The following PSMA7 variants were observed in gnomAD, a reference collection of about 807,000 sequenced individuals.
PSMA7 encodes proteasome 20S subunit alpha 7.
A neutral mutation model predicts 31.3 loss-of-function variants in PSMA7; 5 were observed. The observed-to-expected ratio is 0.16, with a 90% CI of 0.08 to 0.34. The LOEUF (loss-of-function observed/expected upper bound fraction) is 0.34. Ranked by LOEUF, PSMA7 falls within the 10% of genes least tolerant of loss-of-function variation. PSMA7 has a pLI of 1.00. For synonymous variants in PSMA7, 155 were observed against 121.9 expected (o/e 1.27, Z -1.79); for missense variants, 217 against 327.5 (o/e 0.66, Z 2.60).
Position 62,138,974 on chromosome 20 carries a change from C to T in PSMA7, c.471+101G>A, listed in dbSNP as rs556581155. ...AGGACTAGGTTAACTTAAACTGACT[C>T]ATTCACTGATACAGGGCCTACAGCA... is the stretch of plus-strand genomic sequence containing the variant. On this transcript the variant is annotated intron_variant, in intron 4 of 6. Coordinates refer to ENST00000370873, the MANE Select transcript of PSMA7 (RefSeq NM_002792.4). 46 of 1,438,282 alleles carry T rather than the reference C, an allele frequency of 3.2e-5. No individual in the cohort carries two copies. In the South Asian group the frequency reaches 5.9e-4, roughly 18 times the overall value. The allele number at this position is 1,438,282 out of a possible 1,614,324, so 89.1% of individuals were successfully genotyped here.
At position 62,142,315 on chromosome 20, in the gene PSMA7, C is replaced by T. The variant is rs111493826; in HGVS notation, c.96+893G>A. On this transcript the variant is annotated intron_variant, in intron 1 of 6. Coordinates refer to ENST00000370873, the MANE Select transcript of PSMA7 (RefSeq NM_002792.4). The stretch of plus-strand genomic sequence containing the variant: ...CAGCCGACTCCTAGTCCTCTTTAAG[C>T]TGAGTTAGATCACCTGATGAATACT... 8.9e-3 allele frequency among the ~76,000 whole-genome samples: 1,361 copies of T among 152,230 alleles called. 13 individuals carry two copies. The highest frequency in any genetic ancestry group is 0.029 in the African/African-American group (1,217 of 41,508).
chr20:62,138,358 G>T, intron 4 of PSMA7, 68 bp from the exon 5 acceptor site: 1 of 1,529,432 alleles, frequency 6.5e-7, no homozygotes, highest in Non-Finnish European at 8.8e-7. Flanking sequence ...CTGGAACACA[G>T]CTGCCCTACA....
intron 2 of PSMA7, among the ~76,000 whole-genome samples, chr20:62,140,134 C>A (rs1420408654): frequency 1.3e-5 from 2 of 152,080 alleles, no homozygotes; most frequent in African/African-American, 2.4e-5. Flanking sequence ...CATCGTAAGT[C>A]AAAAATACCT....
At chr20:62,140,367 T>C (rs538288799) in intron 2 of PSMA7, among the ~76,000 whole-genome samples, 6 of 152,186 alleles carry the variant, frequency 3.9e-5, no homozygotes, top group South Asian at 2.1e-4. Context: ...TCTTCCTAGA[T>C]TGCATCTGCT....
intron 1 of PSMA7, among the ~76,000 whole-genome samples, chr20:62,141,394 C>A (rs58898804): frequency 0.013 from 1,922 of 152,304 alleles, 49 homozygotes; most frequent in African/African-American, 0.044. Context: ...TTCACCCACA[C>A]CCCTTTCTCC....
chr20:62,140,555 T>C (rs2056921715), intron 2 of PSMA7, among the ~76,000 whole-genome samples: 1 of 152,228 alleles, frequency 6.6e-6, no homozygotes, highest in Admixed American at 6.5e-5. Flanking sequence ...AACTGATTGA[T>C]ACAGAAAAAT....
intron 1 of PSMA7, among the ~76,000 whole-genome samples, chr20:62,141,852 ACT>A (rs1233022873): frequency 2.0e-5 from 3 of 152,224 alleles, no homozygotes; most frequent in South Asian, 4.1e-4. Context: ...ATGAACAATC[ACT>A]GACAGTCAAC....
intron 5 of PSMA7, 42 bp from the exon 6 acceptor site, chr20:62,137,468 A>T: frequency 6.3e-7 from 1 of 1,593,308 alleles, no homozygotes; most frequent in African/African-American, 1.3e-5. Context: ...ACCTTTCCCT[A>T]TTCAAGACAA....
At chr20:62,139,336 T>C (rs890506640) in intron 3 of PSMA7, 139 bp from the exon 4 acceptor site, 2 of 1,065,416 alleles carry the variant, frequency 1.9e-6, no homozygotes, top group South Asian at 1.7e-5. Flanking sequence ...AATGATACAT[T>C]AGCCAATAGC....
intron 3 of PSMA7, 136 bp downstream of exon 3, chr20:62,139,645 G>T (rs2056915113): frequency 7.0e-7 from 1 of 1,428,574 alleles, no homozygotes; most frequent in Non-Finnish European, 9.8e-7. Flanking sequence ...TTACACTTGT[G>T]CAAGTCAAGA....
intron 5 of PSMA7, 90 bp from the exon 6 acceptor site, chr20:62,137,516 C>A: frequency 1.6e-6 from 2 of 1,224,202 alleles, no homozygotes; most frequent in East Asian, 2.3e-5. Flanking sequence ...GGTGTGTACC[C>A]AAACCCAGCA....
At chr20:62,140,404 C>A (rs1249881813) in intron 2 of PSMA7, among the ~76,000 whole-genome samples, 3 of 152,236 alleles carry the variant, frequency 2.0e-5, no homozygotes, top group Non-Finnish European at 4.4e-5. Context: ...AAGACCAAAA[C>A]AGCGCTGAGA....
intron 3 of PSMA7, chr20:62,139,400 A>C: frequency 1.4e-6 from 1 of 703,348 alleles, no homozygotes; most frequent in Non-Finnish European, 2.3e-6. Context: ...CTAGGACCAG[A>C]ATTGTGAACT....
At chr20:62,136,993 C>T in intron 6 of PSMA7, 44 bp from the exon 7 acceptor site, 1 of 1,586,130 alleles carries the variant, frequency 6.3e-7, no homozygotes, top group African/African-American at 1.4e-5. Context: ...CACAAGGTGC[C>T]AAGGAACCAG....
intron 1 of PSMA7, among the ~76,000 whole-genome samples, chr20:62,141,306 A>C (rs2056925946): frequency 6.6e-6 from 1 of 152,208 alleles, no homozygotes; most frequent in African/African-American, 2.4e-5. Flanking sequence ...ACTGCCAGGC[A>C]GCGAGCAGTA....
In PSMA7 at chr20:62,140,406, G is replaced by C. The variant is rs562654712; in HGVS notation, c.223+412C>G. Reference sequence around the variant, plus strand: ...AGGAGAAATGAGCAAGACCAAAACAGCGCTGAGAACATGGCGAGGCATGGC... The same window carrying C: ...AGGAGAAATGAGCAAGACCAAAACACCGCTGAGAACATGGCGAGGCATGGC... On this transcript the variant is annotated intron_variant, in intron 2 of 6. Transcript: ENST00000370873. 7.2e-5 allele frequency among the ~76,000 whole-genome samples: 11 copies of C among 152,328 alleles called. No homozygotes were observed. In the South Asian group the frequency reaches 2.3e-3, roughly 32 times the overall value.
chr20:62,140,619 A>G (rs1033583863), intron 2 of PSMA7, among the ~76,000 whole-genome samples, 199 bp downstream of exon 2: 10 of 36,652 alleles, frequency 2.7e-4, no homozygotes, highest in African/African-American at 1.4e-3. Context: ...CCATTTAGCC[A>G]TTTGTTTCAC....
intron 1 of PSMA7, among the ~76,000 whole-genome samples, chr20:62,141,288 A>G (rs1248133121): frequency 6.6e-6 from 1 of 152,154 alleles, no homozygotes; most frequent in Non-Finnish European, 1.5e-5. Context: ...AAAGTGATAC[A>G]TGGTTCTACT....
intron 6 of PSMA7, among the ~76,000 whole-genome samples, 163 bp downstream of exon 6, chr20:62,137,201 A>G (rs577626660): frequency 6.6e-6 from 1 of 152,244 alleles, no homozygotes; most frequent in South Asian, 2.1e-4. Context: ...TCAGAGGAAG[A>G]TGGGAATCTT....
Sources: gnomAD v4.1 joint callset for allele counts (sites outside exome capture counted in the v4.1 genomes callset) on GRCh38, gnomAD v4.1.1 for gene constraint, MANE v1.5 for transcripts, NCBI Gene and HGNC (gene_info 2026-07-23, HGNC 2026-07-21) for gene names.